CHD2: variants seen among roughly 807,000 people sequenced by gnomAD.
The protein encoded by CHD2 is ATP-dependent chromatin remodeler CHD2.
A neutral mutation model predicts 243.9 loss-of-function variants in CHD2; 28 were observed. The ratio of observed to expected loss-of-function variants is 0.11; its 90% CI spans 0.09 to 0.16. The LOEUF (loss-of-function observed/expected upper bound fraction) is 0.16. CHD2 is among the 10% of genes least tolerant of loss of function. CHD2 has a pLI of 1.00. For missense variants in CHD2, 1,386 were observed against 2,209.8 expected (o/e 0.63, Z 7.47); for synonymous variants, 775 against 779.0 (o/e 0.99, Z 0.09).
intron 2 of CHD2, among the ~76,000 whole-genome samples, chr15:92,910,701 C>T (rs530774163): frequency 2.6e-5 from 4 of 152,156 alleles, no homozygotes; most frequent in African/African-American, 7.2e-5. Context: ...TGGTCCCTGC[C>T]GAGCATTTAC....
rs1489833649 is a variant in CHD2 at position 93,024,653 on chromosome 15, C to A, written c.5435C>A (p.Ser1812Ter). 1 of 1,613,366 alleles carries A rather than the reference C, an allele frequency of 6.2e-7. No individual in the cohort carries two copies. The highest frequency in any genetic ancestry group is 8.5e-7 in the Non-Finnish European group (1 of 1,179,786). ...PLDHRSPLER[S>*]LEQKNNPDYN... is the part of the protein sequence containing the mutation. ...GATCATAGGTCTCCTTTGGAGAGAT[C>A]ACTAGAACAGAAAAACAACCCAGAT... is the stretch of plus-strand genomic sequence containing the variant. Residue 1812 changes from serine (S) to a stop codon, truncating the protein, a stop_gained, in exon 39 of 39, where the codon TCA (serine) becomes TAA (stop). Coordinates refer to ENST00000394196, the MANE Select transcript of CHD2 (RefSeq NM_001271.4). LOFTEE classifies it high-confidence loss of function.
chr15:92,944,354 G>T, intron 9 of CHD2, 61 bp from the exon 10 acceptor site: 1 of 905,648 alleles, frequency 1.1e-6, no homozygotes, highest in Non-Finnish European at 1.8e-6. Flanking sequence ...CTTTTGCTTT[G>T]ATGTATGTGG....
intron 2 of CHD2, among the ~76,000 whole-genome samples, chr15:92,907,149 A>T (rs569166263): frequency 2.4e-4 from 36 of 152,258 alleles, no homozygotes; most frequent in Admixed American, 5.2e-4. Context: ...GACATTTTTT[A>T]AAAAAAGCTC....
chr15:93,000,679 T>G, intron 32 of CHD2, 39 bp downstream of exon 32: 1 of 1,588,064 alleles, frequency 6.3e-7, no homozygotes, highest in Admixed American at 1.8e-5. Flanking sequence ...ATTTATTTAT[T>G]TTAGCTATAC....
chr15:92,993,272 G>A (rs758105398), intron 28 of CHD2: 29 of 335,648 alleles, frequency 8.6e-5, no homozygotes, highest in Admixed American at 3.0e-4. Context: ...TCGGAGTGAT[G>A]TAAAAACCCA....
At position 92,984,571 on chromosome 15, in the gene CHD2, AAAG is replaced by A. The variant is rs1288258516; in HGVS notation, c.3237+76_3237+78del. On this transcript the variant is annotated intron_variant, in intron 25 of 38. Transcript: ENST00000394196. ...AATGCTACAGAAGTGTTGATTATTC[AAAG>A]AAGAGGCCTTGCATTGTTCCCCTGA... is the stretch of plus-strand genomic sequence containing the variant. 1.8e-5 allele frequency: 25 copies of A among 1,381,860 alleles called. No individual in the cohort carries two copies. In the East Asian group the frequency reaches 2.6e-4, roughly 14 times the overall value. The allele number at this position is 1,381,860 out of a possible 1,614,324, so 85.6% of individuals were successfully genotyped here.
At chr15:92,939,134 A>G (rs2141777606) in intron 6 of CHD2, among the ~76,000 whole-genome samples, 1 of 152,222 alleles carries the variant, frequency 6.6e-6, no homozygotes, top group East Asian at 1.9e-4. Flanking sequence ...TGTTGCAAAT[A>G]ATGCTATAGT....
At chr15:92,994,221 A>G (rs1310862995) in intron 28 of CHD2, among the ~76,000 whole-genome samples, 8 of 152,272 alleles carry the variant, frequency 5.3e-5, no homozygotes, top group African/African-American at 1.9e-4. Flanking sequence ...TATCCCTTCA[A>G]CTGTCTCATT....
intron 6 of CHD2, among the ~76,000 whole-genome samples, chr15:92,938,165 G>A (rs1218733587): frequency 1.3e-5 from 2 of 152,046 alleles, no homozygotes; most frequent in African/African-American, 4.8e-5. Flanking sequence ...ATGCCCTTTG[G>A]GCCAAATTTC....
intron 16 of CHD2, among the ~76,000 whole-genome samples, chr15:92,966,090 G>A (rs1490396078): frequency 2.9e-5 from 4 of 138,596 alleles, no homozygotes; most frequent in African/African-American, 8.2e-5. Flanking sequence ...TTTTGAGACA[G>A]AGTCTCACTG....
intron 34 of CHD2, among the ~76,000 whole-genome samples, chr15:93,007,663 C>T (rs1273529112): frequency 1.3e-5 from 2 of 152,188 alleles, no homozygotes; most frequent in African/African-American, 4.8e-5. Flanking sequence ...TGTCCCTACA[C>T]CATTCTGTGA....
At chr15:92,911,937 G>A (rs952816996) in intron 2 of CHD2, among the ~76,000 whole-genome samples, 1 of 152,160 alleles carries the variant, frequency 6.6e-6, no homozygotes, top group South Asian at 2.1e-4. Flanking sequence ...TGTTCAAAAG[G>A]CCATGACTCT....
In CHD2 at chr15:93,020,015, G is replaced by T; in HGVS notation, c.4910G>T (p.Arg1637Leu). ...ATCATTCTTTCTTTTCCTGCAGATC[G>T]AGGAGACTGGCAGAGGGAAAGAAAG... ...PNKRHFSNADRGDWQRERKFN... is the reference protein window; with the variant it reads ...PNKRHFSNADLGDWQRERKFN... Residue 1637 changes from arginine (R) to leucine (L), a missense_variant, in exon 38 of 39, where the codon CGA becomes CTA. By Grantham distance (102) the Arg-to-Leu change is moderately radical (BLOSUM62 -2). Coordinates refer to ENST00000394196, the MANE Select transcript of CHD2 (RefSeq NM_001271.4). The T allele has an allele frequency of 6.2e-7, 1 of 1,608,940 alleles. No homozygotes were observed. Among genetic ancestry groups the T allele is most frequent in the Non-Finnish European group, 8.5e-7 (1 of 1,175,726 alleles).
Position 92,956,673 on chromosome 15 carries a change from A to T in CHD2, c.2000+24A>T, listed in dbSNP as rs72647788. The T allele has an allele frequency of 1.9e-6, 3 of 1,586,074 alleles. No individual in the cohort carries two copies. The African/African-American group carries it at 4.1e-5, about 22-fold the overall frequency. On this transcript the variant is annotated intron_variant, in intron 16 of 38. Transcript: ENST00000394196. ...AAGTAAGCTCCTTCCTGTGTATTTC[A>T]AAAGATGCTAGAATGTCTGAAATGC...
At chr15:92,971,154 C>T (rs1200077045) in intron 17 of CHD2, among the ~76,000 whole-genome samples, 1 of 152,176 alleles carries the variant, frequency 6.6e-6, no homozygotes. Context: ...TTTCCATTCA[C>T]ACATGCACAC....
intron 37 of CHD2, among the ~76,000 whole-genome samples, chr15:93,015,480 G>A (rs1474470088): frequency 2.0e-5 from 3 of 151,886 alleles, no homozygotes; most frequent in Admixed American, 6.7e-5. Context: ...ACAGTGAAAT[G>A]GTTAAAACTG....
intron 2 of CHD2, among the ~76,000 whole-genome samples, chr15:92,916,145 G>A (rs1244346624): frequency 2.6e-5 from 4 of 152,210 alleles, no homozygotes; most frequent in Admixed American, 2.6e-4. Context: ...GGCCTTTCCA[G>A]GCCAAACCAG....
Position 92,954,979 on chromosome 15 carries a change from A to G in CHD2, c.1720-444A>G, listed in dbSNP as rs143231976. Among the ~76,000 whole-genome samples the G allele has an allele frequency of 9.8e-5, 15 of 152,328 alleles. No homozygotes were observed. The East Asian group carries it at 2.9e-3, about 29-fold the overall frequency. Reference sequence around the variant, plus strand: ...CAAGCCTCCCTTTTTGTTGGGGGACATATCTCTTTGGTCTATGGTTGATGA... The same window carrying G: ...CAAGCCTCCCTTTTTGTTGGGGGACGTATCTCTTTGGTCTATGGTTGATGA... On this transcript the variant is annotated intron_variant, in intron 14 of 38. Coordinates refer to ENST00000394196, the MANE Select transcript of CHD2 (RefSeq NM_001271.4).
chr15:92,941,800 T>TA (rs762482611), intron 7 of CHD2, 22 bp from the exon 8 acceptor site: 2 of 1,610,134 alleles, frequency 1.2e-6, no homozygotes, highest in South Asian at 2.2e-5. Flanking sequence ...TTCTCATTTA[T>TA]TCAGCATTAT....
Sources: allele counts gnomAD v4.1 joint callset (sites outside exome capture counted in the v4.1 genomes callset), GRCh38; gene constraint gnomAD v4.1.1; transcripts MANE v1.5; gene names NCBI Gene and HGNC (gene_info 2026-07-23, HGNC 2026-07-21).